Variants in SPIDR observed in about 807,000 individuals in gnomAD.
The protein encoded by SPIDR is DNA repair-scaffolding protein.
In SPIDR, 93 loss-of-function variants were observed where a neutral mutation model predicts 104.6. That is an observed-to-expected ratio of 0.89 (90% confidence interval 0.75 to 1.06). The LOEUF is 1.06. Ranked by LOEUF, SPIDR falls within the 50% of genes least tolerant of loss-of-function variation. SPIDR has a pLI of 0.00. For missense variants in SPIDR, 1,154 were observed against 1,111.2 expected, an observed-to-expected ratio of 1.04 and a Z score of -0.55; for synonymous variants, 431 against 416.9, an observed-to-expected ratio of 1.03 and a Z score of -0.41.
chr8:47,724,720 A>C (rs1255966506), intron 16 of SPIDR, among the ~76,000 whole-genome samples: 1 of 152,112 alleles, frequency 6.6e-6, no homozygotes, highest in Non-Finnish European at 1.5e-5. Context: ...TGGAGCAGTC[A>C]CTCACTGAGA....
intron 10 of SPIDR, among the ~76,000 whole-genome samples, chr8:47,640,364 G>A (rs922321643): frequency 2.0e-5 from 3 of 152,088 alleles, no homozygotes; most frequent in Non-Finnish European, 2.9e-5. Flanking sequence ...GGACTCCTTC[G>A]TACCCACCAA....
intron 16 of SPIDR, among the ~76,000 whole-genome samples, chr8:47,713,990 G>A (rs1254446187): frequency 6.6e-6 from 1 of 152,168 alleles, no homozygotes; most frequent in African/African-American, 2.4e-5. Context: ...GGATGGAGCA[G>A]GAGGAACATT....
At chr8:47,716,456 G>A (rs887151549) in intron 16 of SPIDR, among the ~76,000 whole-genome samples, 1 of 152,028 alleles carries the variant, frequency 6.6e-6, no homozygotes, top group Non-Finnish European at 1.5e-5. Context: ...CTCCTTTTGG[G>A]GTTAATGCTA....
At chr8:47,630,707 G>C (rs1248008122) in intron 10 of SPIDR, among the ~76,000 whole-genome samples, 2 of 152,136 alleles carry the variant, frequency 1.3e-5, no homozygotes, top group Admixed American at 1.3e-4. Context: ...GGCCTTGGCT[G>C]TCATCCCAGC....
Position 47,478,198 on chromosome 8 carries a change from G to A in SPIDR, c.1097+37656G>A, listed in dbSNP as rs150995852. Reference sequence around the variant, plus strand: ...GAAATAATGTGAAGAATGAATTGAGGGTGGGCTGGGCATCCAGCCTGACGA... The same window carrying A: ...GAAATAATGTGAAGAATGAATTGAGAGTGGGCTGGGCATCCAGCCTGACGA... On this transcript the variant is annotated intron_variant, in intron 8 of 19. Transcript: ENST00000297423. 2.9e-4 allele frequency among the ~76,000 whole-genome samples: 44 copies of A among 152,302 alleles called. 2 individuals carry two copies. The East Asian group carries it at 6.6e-3, about 23-fold the overall frequency.
intron 5 of SPIDR, among the ~76,000 whole-genome samples, chr8:47,386,958 G>C (rs1281883127): frequency 6.7e-6 from 1 of 150,244 alleles, no homozygotes; most frequent in Non-Finnish European, 1.5e-5. Context: ...TATAGATATA[G>C]ATATAGATAC....
At chr8:47,447,047 G>T (rs1296273451) in intron 8 of SPIDR, among the ~76,000 whole-genome samples, 2 of 152,238 alleles carry the variant, frequency 1.3e-5, no homozygotes, top group East Asian at 3.9e-4. Context: ...TGACTTCAGG[G>T]GTTTAAAACT....
At chr8:47,505,019 G>C (rs541476744) in intron 8 of SPIDR, among the ~76,000 whole-genome samples, 1 of 152,014 alleles carries the variant, frequency 6.6e-6, no homozygotes, top group African/African-American at 2.4e-5. Flanking sequence ...GTACCCGGCC[G>C]TGTGAGGTGT....
intron 10 of SPIDR, among the ~76,000 whole-genome samples, chr8:47,647,843 A>G (rs2070824702): frequency 6.6e-6 from 1 of 152,206 alleles, no homozygotes; most frequent in South Asian, 2.1e-4. Flanking sequence ...ATGTGTAGGG[A>G]GAGCATCTCA....
chr8:47,468,959 A>G (rs1233089443), intron 8 of SPIDR, among the ~76,000 whole-genome samples: 1 of 152,206 alleles, frequency 6.6e-6, no homozygotes, highest in Non-Finnish European at 1.5e-5. Context: ...AAGGTCTAAT[A>G]TCCAGCATTT....
At chr8:47,274,975 A>G (rs918716489) in intron 1 of SPIDR, among the ~76,000 whole-genome samples, 7 of 149,054 alleles carry the variant, frequency 4.7e-5, no homozygotes, top group Non-Finnish European at 1.0e-4. Context: ...AAATACCCCC[A>G]TAGGCCCAGC....
At chr8:47,297,906 CG>C (rs1554573918) in intron 5 of SPIDR, among the ~76,000 whole-genome samples, 19 of 152,164 alleles carry the variant, frequency 1.2e-4, no homozygotes, top group Non-Finnish European at 2.5e-4. Flanking sequence ...TGAATAGTGC[CG>C]CAATAATCGT....
chr8:47,591,205 T>A (rs2060969757), intron 8 of SPIDR, among the ~76,000 whole-genome samples: 2 of 151,338 alleles, frequency 1.3e-5, no homozygotes, highest in Admixed American at 6.6e-5. Flanking sequence ...CTCTGGTTTT[T>A]TTTTTTGTTT....
intron 16 of SPIDR, among the ~76,000 whole-genome samples, chr8:47,725,869 C>G (rs760039366): frequency 1.3e-5 from 2 of 152,224 alleles, no homozygotes; most frequent in Admixed American, 6.5e-5. Flanking sequence ...GCTATTAACA[C>G]CCATGGATAT....
chr8:47,624,654 C>T (rs961031118), intron 10 of SPIDR, among the ~76,000 whole-genome samples: 1 of 152,144 alleles, frequency 6.6e-6, no homozygotes, highest in Non-Finnish European at 1.5e-5. Flanking sequence ...GGATACATTC[C>T]TCGACACATA....
chr8:47,293,818 G>A, intron 4 of SPIDR, 49 bp from the exon 5 acceptor site: 4 of 1,524,398 alleles, frequency 2.6e-6, no homozygotes, highest in South Asian at 2.4e-5. Flanking sequence ...AGATATAAAA[G>A]TGAAAGATTA....
intron 5 of SPIDR, among the ~76,000 whole-genome samples, chr8:47,313,374 C>A (rs1462834665): frequency 6.6e-6 from 1 of 152,142 alleles, no homozygotes; most frequent in East Asian, 1.9e-4. Flanking sequence ...AGGACCTCTT[C>A]AAGGAGAACT....
intron 8 of SPIDR, among the ~76,000 whole-genome samples, chr8:47,530,729 T>C (rs891957872): frequency 2.0e-5 from 3 of 151,882 alleles, no homozygotes; most frequent in African/African-American, 7.3e-5. Flanking sequence ...TAAAAAAGCA[T>C]TTCTTTCTTT....
chr8:47,503,577 C>G (rs1476440735), intron 8 of SPIDR, among the ~76,000 whole-genome samples: 2 of 151,964 alleles, frequency 1.3e-5, no homozygotes, highest in African/African-American at 2.4e-5. Flanking sequence ...TGATGGGTCT[C>G]GACTCTATCC....
Sources: gnomAD v4.1 joint callset for allele counts (sites outside exome capture counted in the v4.1 genomes callset) on GRCh38, gnomAD v4.1.1 for gene constraint, MANE v1.5 for transcripts, NCBI Gene and HGNC (gene_info 2026-07-23, HGNC 2026-07-21) for gene names.